The following CUX1 variants were observed in gnomAD, a reference collection of about 807,000 sequenced individuals.
The protein encoded by CUX1 is cut like homeobox 1, also known as protein CASP.
In CUX1, 31 loss-of-function variants were observed where a neutral mutation model predicts 158.8. That is an observed-to-expected ratio of 0.20 (90% CI 0.15 to 0.26). The LOEUF (loss-of-function observed/expected upper bound fraction) is 0.26, where lower values mean the gene tolerates loss of function less well. CUX1 is among the 10% of genes least tolerant of loss of function. CUX1 has a pLI of 1.00. For synonymous variants in CUX1, 879 were observed against 862.1 expected (o/e 1.02, Z -0.34); for missense variants, 1,589 against 2,014.6 (o/e 0.79, Z 4.04).
chr7:102,112,384 G>C (rs1681194732), intron 7 of CUX1, among the ~76,000 whole-genome samples: 1 of 144,868 alleles, frequency 6.9e-6, no homozygotes, highest in African/African-American at 2.6e-5. Context: ...TGGGGCTACA[G>C]GCGCCCACCA....
chr7:102,115,109 C>T, intron 7 of CUX1, 98 bp from the exon 8 acceptor site: 1 of 1,068,836 alleles, frequency 9.4e-7, no homozygotes, highest in Non-Finnish European at 1.4e-6. Flanking sequence ...CCTCGCTCCT[C>T]ACAGAAATCT....
chr7:102,050,766 G>A (rs759642827), intron 3 of CUX1, among the ~76,000 whole-genome samples: 12 of 151,798 alleles, frequency 7.9e-5, no homozygotes, highest in Non-Finnish European at 1.8e-4. Context: ...GCATTTGTGT[G>A]ATCATAGCTC....
chr7:102,141,385 CTG>C (rs1311300477), intron 8 of CUX1, among the ~76,000 whole-genome samples: 5 of 152,056 alleles, frequency 3.3e-5, no homozygotes, highest in Non-Finnish European at 7.4e-5. Context: ...CTATAGAACT[CTG>C]AAGCCACAGG....
intron 8 of CUX1, among the ~76,000 whole-genome samples, chr7:102,133,760 C>T (rs1833592159): frequency 6.6e-6 from 1 of 152,078 alleles, no homozygotes; most frequent in African/African-American, 2.4e-5. Flanking sequence ...CAGGCGTGAG[C>T]CACCACACTC....
intron 1 of CUX1, among the ~76,000 whole-genome samples, chr7:101,856,206 A>AAAAAG (rs1554395823): frequency 6.8e-6 from 1 of 146,418 alleles, no homozygotes; most frequent in Non-Finnish European, 1.5e-5. Context: ...AAAAAAAAAA[A>AAAAAG]GGAAACAAGA....
intron 8 of CUX1, among the ~76,000 whole-genome samples, chr7:102,150,612 G>A (rs1263134603): frequency 5.9e-5 from 9 of 152,182 alleles, no homozygotes; most frequent in African/African-American, 2.2e-4. Context: ...TGAAATATGC[G>A]CCAACACCGT....
At chr7:102,080,114 A>G (rs1827204121) in intron 4 of CUX1, among the ~76,000 whole-genome samples, 1 of 152,178 alleles carries the variant, frequency 6.6e-6, no homozygotes. Context: ...TGTTGCCGCC[A>G]GGTTTTGCCG....
intron 23 of CUX1, among the ~76,000 whole-genome samples, chr7:102,244,846 G>A (rs552670791): frequency 5.3e-5 from 8 of 152,256 alleles, no homozygotes; most frequent in South Asian, 2.1e-4. Context: ...GGCATTCTGC[G>A]AGCCTTGTGT....
rs533730811 is a variant in CUX1, at chr7:101,876,005, T to G, written c.31-40110T>G. On this transcript the variant is annotated intron_variant, in intron 1 of 23. Coordinates refer to ENST00000292535, the MANE Select transcript of CUX1 (RefSeq NM_181552.4). ...GCATTATTCAGATATTTTCTCCCTG[T>G]GGGCTTATGTAAACAGAAAGCTAGG... Among the ~76,000 whole-genome samples, 13 of 152,320 alleles carry G rather than the reference T, an allele frequency of 8.5e-5. No homozygotes were observed. In the East Asian group the frequency reaches 2.5e-3, roughly 29 times the overall value.
chr7:102,178,575 G>T lies in CUX1; in HGVS notation c.935G>T (p.Ser312Ile), dbSNP rs369666651. Residue 312 changes from serine (S) to isoleucine (I), a missense_variant, in exon 11 of 24, where the codon AGC (serine) becomes ATC (isoleucine). By Grantham distance (142) the Ser-to-Ile change is moderately radical. Around this residue, in one of 8 missense-constraint regions of CUX1, gnomAD observed 515 missense variants for 574.4 expected, o/e 0.90. Transcript: ENST00000292535. ...LVEDVQRLQA[S>I]LTKLRENSAS... Reference sequence around the variant, plus strand: ...GAGGACGTGCAGAGACTCCAGGCCAGCCTCACCAAGCTGCGGGAGAATTCG... The same window carrying T: ...GAGGACGTGCAGAGACTCCAGGCCATCCTCACCAAGCTGCGGGAGAATTCG... 6 of 1,612,694 alleles carry T rather than the reference G, an allele frequency of 3.7e-6. No homozygotes were observed. The highest frequency in any genetic ancestry group is 5.1e-6 in the Non-Finnish European group (6 of 1,179,382).
At chr7:101,886,624 C>T (rs1395163939) in intron 1 of CUX1, among the ~76,000 whole-genome samples, 1 of 152,176 alleles carries the variant, frequency 6.6e-6, no homozygotes, top group Non-Finnish European at 1.5e-5. Flanking sequence ...AGAAGAAAGG[C>T]TTAGGGTCCC....
intron 2 of CUX1, among the ~76,000 whole-genome samples, chr7:101,994,628 G>A (rs751815207): frequency 6.6e-6 from 1 of 152,030 alleles, no homozygotes; most frequent in Non-Finnish European, 1.5e-5. Context: ...AAGGAAATAT[G>A]AGCTCCCTTC....
intron 1 of CUX1, among the ~76,000 whole-genome samples, chr7:101,867,335 C>T (rs1798035931): frequency 6.6e-6 from 1 of 152,138 alleles, no homozygotes; most frequent in Non-Finnish European, 1.5e-5. Context: ...TCAAGGGTTT[C>T]GTAATGTGCT....
chr7:101,941,664 G>T (rs775562267), intron 2 of CUX1, among the ~76,000 whole-genome samples: 6 of 152,142 alleles, frequency 3.9e-5, no homozygotes, highest in Non-Finnish European at 7.3e-5. Flanking sequence ...TAGTTTTCAC[G>T]TCGGGGCATT....
intron 5 of CUX1, 23 bp from the exon 6 acceptor site, chr7:102,104,313 G>GTTTTT (rs371174192): frequency 2.9e-6 from 4 of 1,389,454 alleles, no homozygotes; most frequent in Admixed American, 2.0e-5. Flanking sequence ...CTTACTGTAG[G>GTTTTT]TTTTTTTTTT....
Position 102,250,485 on chromosome 7 carries a change from C to T in CUX1, c.*1443C>T. The T allele has an allele frequency of 1.0e-6, 1 of 985,460 alleles. No individual in the cohort carries two copies. Among genetic ancestry groups the T allele is most frequent in the Non-Finnish European group, 1.2e-6 (1 of 829,978 alleles). The allele number at this position is 985,460 out of a possible 1,614,324, so 61.0% of individuals were successfully genotyped here. On this transcript the variant is annotated 3_prime_UTR_variant, in exon 24 of 24. Coordinates refer to ENST00000292535, the MANE Select transcript of CUX1 (RefSeq NM_181552.4). Reference sequence around the variant, plus strand: ...TCTCTCTTCTTTCCCTTTTTCTTCCCACCGCAAGCACTGATGACCCTGTTG... The same window carrying T: ...TCTCTCTTCTTTCCCTTTTTCTTCCTACCGCAAGCACTGATGACCCTGTTG...
intron 14 of CUX1, chr7:102,264,951 G>C (rs556792474): frequency 6.5e-4 from 99 of 152,362 alleles, no homozygotes; most frequent in African/African-American, 2.1e-3. Context: ...CTTTCCAAGG[G>C]CACCCCGAAT....
At chr7:101,856,212 CAAGA>C (rs1796801138) in intron 1 of CUX1, among the ~76,000 whole-genome samples, 1 of 117,496 alleles carries the variant, frequency 8.5e-6, no homozygotes, top group Admixed American at 8.4e-5. Flanking sequence ...AAAAAGGAAA[CAAGA>C]AAGAAAAAAG....
intron 2 of CUX1, among the ~76,000 whole-genome samples, chr7:102,025,784 T>G (rs1819948456): frequency 6.6e-6 from 1 of 152,090 alleles, no homozygotes; most frequent in Admixed American, 6.6e-5. Flanking sequence ...TTTGGAACAG[T>G]ATATAGTTAA....
Sources: gnomAD v4.1 joint callset for allele counts (sites outside exome capture counted in the v4.1 genomes callset) on GRCh38, gnomAD v4.1.1 for gene constraint, gnomAD v4.1.1 regional missense constraint, MANE v1.5 for transcripts, NCBI Gene and HGNC (gene_info 2026-07-23, HGNC 2026-07-21) for gene names.